LRP1B: variants seen among roughly 807,000 people sequenced by gnomAD.
LRP1B encodes LDL receptor related protein 1B.
A neutral mutation model predicts 556.6 loss-of-function variants in LRP1B; 217 were observed. That is an observed-to-expected ratio of 0.39 (90% confidence interval 0.35 to 0.44). LRP1B has a LOEUF of 0.44. Ranked by LOEUF, LRP1B falls within the 20% of genes least tolerant of loss-of-function variation. LRP1B has a pLI of 1.00. For missense variants in LRP1B, 5,053 were observed against 5,620.8 expected (o/e 0.90, Z 3.23); for synonymous variants, 2,047 against 1,865.8 (o/e 1.10, Z -2.50).
intron 2 of LRP1B, among the ~76,000 whole-genome samples, chr2:141,667,561 G>T (rs1690491369): frequency 6.6e-6 from 1 of 152,124 alleles, no homozygotes; most frequent in Non-Finnish European, 1.5e-5. Context: ...CATTGCTTGT[G>T]GTAACTGGGG....
At chr2:140,763,750 G>A (rs1689008161) in intron 35 of LRP1B, among the ~76,000 whole-genome samples, 1 of 152,058 alleles carries the variant, frequency 6.6e-6, no homozygotes, top group African/African-American at 2.4e-5. Flanking sequence ...CTTATGTTAT[G>A]CATGTTTATG....
At chr2:140,246,011 G>A (rs1424221772) in intron 87 of LRP1B, among the ~76,000 whole-genome samples, 1 of 151,290 alleles carries the variant, frequency 6.6e-6, no homozygotes, top group Non-Finnish European at 1.5e-5. Flanking sequence ...AGATGCCTAG[G>A]CTTATTAATA....
chr2:141,726,535 C>G (rs1693044331), intron 2 of LRP1B, among the ~76,000 whole-genome samples: 1 of 151,894 alleles, frequency 6.6e-6, no homozygotes, highest in African/African-American at 2.4e-5. Flanking sequence ...TGAAGCCAAA[C>G]ATTGTAATCC....
At chr2:140,642,907 C>T (rs1351387818) in intron 41 of LRP1B, among the ~76,000 whole-genome samples, 1 of 152,036 alleles carries the variant, frequency 6.6e-6, no homozygotes, top group Non-Finnish European at 1.5e-5. Flanking sequence ...TAAACATTCA[C>T]CTAATATCTT....
chr2:142,072,588 T>C (rs1705359284), intron 1 of LRP1B, among the ~76,000 whole-genome samples: 1 of 151,880 alleles, frequency 6.6e-6, no homozygotes. Flanking sequence ...ATTATGAGAT[T>C]TTTGTGATTT....
chr2:141,935,777 T>C (rs1474487951), intron 1 of LRP1B, among the ~76,000 whole-genome samples: 2 of 152,212 alleles, frequency 1.3e-5, no homozygotes. Context: ...TTATTGCAAG[T>C]GTTTTTGTAT....
chr2:141,155,435 G>A (rs1289489772), intron 7 of LRP1B, among the ~76,000 whole-genome samples: 2 of 150,818 alleles, frequency 1.3e-5, no homozygotes, highest in African/African-American at 4.9e-5. Context: ...GCTGAACAAG[G>A]GGGTACACTT....
chr2:140,478,993 T>C (rs1398830083), intron 59 of LRP1B, among the ~76,000 whole-genome samples: 2 of 152,060 alleles, frequency 1.3e-5, no homozygotes, highest in Non-Finnish European at 2.9e-5. Flanking sequence ...ATGATTTGCC[T>C]TGATTTTATG....
At chr2:140,728,726 G>A (rs1222682688) in intron 35 of LRP1B, among the ~76,000 whole-genome samples, 1 of 152,016 alleles carries the variant, frequency 6.6e-6, no homozygotes, top group East Asian at 1.9e-4. Context: ...TTACTTAAAA[G>A]GTTTAATGAA....
At chr2:140,244,795 A>G (rs758390402) in intron 87 of LRP1B, among the ~76,000 whole-genome samples, 4 of 151,388 alleles carry the variant, frequency 2.6e-5, no homozygotes, top group Admixed American at 6.6e-5. Context: ...GACTATGCCA[A>G]CAGAGGTCCA....
intron 2 of LRP1B, among the ~76,000 whole-genome samples, chr2:141,534,505 G>T (rs977222640): frequency 2.0e-5 from 3 of 152,060 alleles, no homozygotes; most frequent in Non-Finnish European, 2.9e-5. Flanking sequence ...CTCTCTTGTC[G>T]TGAGTGTATT....
intron 32 of LRP1B, among the ~76,000 whole-genome samples, chr2:140,788,048 C>G (rs1317887880): frequency 6.6e-6 from 1 of 152,168 alleles, no homozygotes; most frequent in Admixed American, 6.5e-5. Flanking sequence ...GGCTGTGACA[C>G]TTACTCTCTG....
At chr2:141,774,224 T>C (rs1366447026) in intron 2 of LRP1B, among the ~76,000 whole-genome samples, 1 of 152,174 alleles carries the variant, frequency 6.6e-6, no homozygotes, top group African/African-American at 2.4e-5. Flanking sequence ...AATAAATACC[T>C]GAGGCTGGGT....
chr2:140,757,941 A>C (rs970707021), intron 35 of LRP1B, among the ~76,000 whole-genome samples: 15 of 152,204 alleles, frequency 9.9e-5, no homozygotes, highest in Middle Eastern at 3.2e-3. Flanking sequence ...AGTTTGAAAA[A>C]ATATGAGCAA....
At chr2:140,491,515 A>G (rs1199616679) in intron 57 of LRP1B, among the ~76,000 whole-genome samples, 1 of 152,122 alleles carries the variant, frequency 6.6e-6, no homozygotes, top group Non-Finnish European at 1.5e-5. Context: ...ATATCCCAAG[A>G]AAGATAATTT....
intron 2 of LRP1B, among the ~76,000 whole-genome samples, chr2:141,581,996 T>C (rs1457371730): frequency 6.6e-6 from 1 of 152,192 alleles, no homozygotes. Context: ...TTGTTACAAG[T>C]TTCTAATTCA....
intron 2 of LRP1B, among the ~76,000 whole-genome samples, chr2:141,645,008 T>C (rs1398874891): frequency 6.6e-6 from 1 of 152,154 alleles, no homozygotes; most frequent in Non-Finnish European, 1.5e-5. Context: ...AAGTATATTC[T>C]GTCTAGAGGA....
At chr2:141,750,717 T>A (rs1694077253) in intron 2 of LRP1B, among the ~76,000 whole-genome samples, 1 of 152,142 alleles carries the variant, frequency 6.6e-6, no homozygotes, top group African/African-American at 2.4e-5. Context: ...GCTTTTAAAA[T>A]TATGTTGTAT....
intron 1 of LRP1B, among the ~76,000 whole-genome samples, chr2:141,997,299 T>C (rs149283073): frequency 1.3e-5 from 2 of 151,964 alleles, no homozygotes; most frequent in African/African-American, 2.4e-5. Context: ...TGCTAAAATA[T>C]GGTAGTAAGA....
Sources: gnomAD v4.1 joint callset for allele counts (sites outside exome capture counted in the v4.1 genomes callset) on GRCh38, gnomAD v4.1.1 for gene constraint, MANE v1.5 for transcripts, NCBI Gene and HGNC (gene_info 2026-07-23, HGNC 2026-07-21) for gene names.